The following SRPK2 variants were observed in gnomAD, a reference collection of about 807,000 sequenced individuals.
SRPK2 encodes SRSF protein kinase 2.
Under a neutral mutation model 90.8 loss-of-function variants are expected in SRPK2, and 21 were observed. The observed-to-expected ratio is 0.23, with a 90% CI of 0.16 to 0.33. The LOEUF is 0.33. SRPK2 is among the 10% of genes least tolerant of loss of function. The pLI is 1.00. For missense variants in SRPK2, 620 were observed against 869.0 expected (o/e 0.71, Z 3.60); for synonymous variants, 288 against 311.1 (o/e 0.93, Z 0.78).
chr7:105,296,411 A>C (rs1209540676), intron 2 of SRPK2, among the ~76,000 whole-genome samples: 3 of 152,180 alleles, frequency 2.0e-5, no homozygotes, highest in African/African-American at 7.2e-5. Context: ...CAAATGAAAT[A>C]GTTTTGAGCC....
chr7:105,228,220 T>A (rs1007901160), intron 2 of SRPK2, among the ~76,000 whole-genome samples: 9 of 152,096 alleles, frequency 5.9e-5, no homozygotes, highest in Admixed American at 2.6e-4. Flanking sequence ...AAAAAAGTTA[T>A]ACAAAGACTG....
Position 105,364,405 on chromosome 7 carries a change from G to GAGTTTTTTTTTTT in SRPK2, c.71+24242_71+24243insAAAAAAAAAAACT, listed in dbSNP as rs572930883. ...CTTTCCATAGCATACCGTGTGTAAC[G>GAGTTTTTTTTTTT]TTTTTTTTTTTTTGAGAAGGAGTCT... On this transcript the variant is annotated intron_variant, in intron 2 of 15. Coordinates refer to ENST00000393651, the MANE Select transcript of SRPK2 (RefSeq NM_182692.3). Among the ~76,000 whole-genome samples the GAGTTTTTTTTTTT allele has an allele frequency of 6.7e-5, 9 of 133,924 alleles. No homozygotes were observed. In the East Asian group the frequency reaches 8.4e-4, roughly 13 times the overall value. 87.9% of individuals were successfully genotyped at this position (133,924 alleles called of 152,430 possible). A position where few individuals can be genotyped will look rare whatever the true frequency, so the allele number is the denominator to read the frequency against.
chr7:105,321,704 A>T lies in SRPK2; in HGVS notation c.71+66944T>A, dbSNP rs182368074. Among the ~76,000 whole-genome samples the T allele has an allele frequency of 3.0e-3, 453 of 152,346 alleles. 5 individuals are homozygous for T. Among genetic ancestry groups the T allele is most frequent in the Non-Finnish European group, 2.9e-3 (200 of 68,036 alleles). Reference sequence around the variant, plus strand: ...ACAAGAATATGAAAAGATGCTCAACATCATTCATAAGGAGAATGCAAATAA... The same window carrying T: ...ACAAGAATATGAAAAGATGCTCAACTTCATTCATAAGGAGAATGCAAATAA... On this transcript the variant is annotated intron_variant, in intron 2 of 15. Coordinates refer to ENST00000393651, the MANE Select transcript of SRPK2 (RefSeq NM_182692.3).
intron 2 of SRPK2, among the ~76,000 whole-genome samples, chr7:105,347,054 T>C (rs1012557178): frequency 1.3e-4 from 20 of 150,940 alleles, no homozygotes; most frequent in African/African-American, 4.6e-4. Flanking sequence ...GGCTATGAGA[T>C]AGACTGGCTT....
At chr7:105,283,366 A>G (rs1807597710) in intron 2 of SRPK2, among the ~76,000 whole-genome samples, 1 of 152,230 alleles carries the variant, frequency 6.6e-6, no homozygotes, top group Non-Finnish European at 1.5e-5. Context: ...AGCATTACTC[A>G]TAATAATCAA....
At chr7:105,224,980 C>T (rs559082390) in intron 2 of SRPK2, among the ~76,000 whole-genome samples, 2 of 152,262 alleles carry the variant, frequency 1.3e-5, no homozygotes, top group South Asian at 4.1e-4. Flanking sequence ...CCTTACTGAG[C>T]TTTCATTAAT....
At chr7:105,223,124 G>A (rs1417664911) in intron 2 of SRPK2, among the ~76,000 whole-genome samples, 1 of 152,184 alleles carries the variant, frequency 6.6e-6, no homozygotes, top group Admixed American at 6.5e-5. Flanking sequence ...GTCGAGGAAC[G>A]GCATGTTGGG....
chr7:105,248,436 TAA>T (rs56040288), intron 2 of SRPK2, among the ~76,000 whole-genome samples: 4,191 of 127,830 alleles, frequency 0.033, 166 homozygotes, highest in African/African-American at 0.096. Context: ...ACAAAAAATT[TAA>T]AAAAAAAAAA....
intron 2 of SRPK2, among the ~76,000 whole-genome samples, chr7:105,288,259 CTAAAA>C (rs1295026502): frequency 2.6e-5 from 4 of 152,056 alleles, no homozygotes; most frequent in Non-Finnish European, 4.4e-5. Context: ...AACAAAATTG[CTAAAA>C]TAAATCACTG....
intron 6 of SRPK2, among the ~76,000 whole-genome samples, chr7:105,163,721 G>C: frequency 6.6e-6 from 1 of 152,294 alleles, no homozygotes; most frequent in Non-Finnish European, 1.5e-5. Flanking sequence ...TGAGGCAGGA[G>C]AATCTCTTGA....
intron 2 of SRPK2, among the ~76,000 whole-genome samples, chr7:105,233,234 G>A (rs1048914834): frequency 1.3e-5 from 2 of 152,106 alleles, no homozygotes; most frequent in East Asian, 3.9e-4. Flanking sequence ...CTATAGTCAC[G>A]CCACCCTGAA....
At chr7:105,295,371 T>G (rs1359161600) in intron 2 of SRPK2, among the ~76,000 whole-genome samples, 1 of 152,074 alleles carries the variant, frequency 6.6e-6, no homozygotes, top group East Asian at 1.9e-4. Flanking sequence ...AATTAATATT[T>G]CATACTAATT....
At chr7:105,204,392 GGT>G (rs145721545) in intron 2 of SRPK2, among the ~76,000 whole-genome samples, 2 of 151,554 alleles carry the variant, frequency 1.3e-5, no homozygotes, top group Non-Finnish European at 1.5e-5. Flanking sequence ...TTCTGGAAGC[GGT>G]GTGTGTGTGT....
At chr7:105,140,630 A>C (rs1803601689) in intron 11 of SRPK2, among the ~76,000 whole-genome samples, 1 of 151,886 alleles carries the variant, frequency 6.6e-6, no homozygotes, top group African/African-American at 2.4e-5. Flanking sequence ...AATGAATAAA[A>C]TAGAAATAAT....
intron 2 of SRPK2, among the ~76,000 whole-genome samples, chr7:105,331,337 A>AAAAAAAAAAAAG (rs1554512429): frequency 7.1e-6 from 1 of 141,830 alleles, no homozygotes; most frequent in Admixed American, 7.0e-5. Context: ...AAAAAAAAAA[A>AAAAAAAAAAAAG]CAAATAGTTA....
At chr7:105,181,762 T>C (rs892786477) in intron 3 of SRPK2, among the ~76,000 whole-genome samples, 2 of 151,744 alleles carry the variant, frequency 1.3e-5, no homozygotes, top group African/African-American at 2.4e-5. Flanking sequence ...AAAACATCTA[T>C]AGGGCACTAT....
At chr7:105,330,216 C>A (rs1335437756) in intron 2 of SRPK2, among the ~76,000 whole-genome samples, 4 of 151,374 alleles carry the variant, frequency 2.6e-5, no homozygotes, top group African/African-American at 9.7e-5. Context: ...GGCGGGTGCC[C>A]GTAGTCCCAG....
intron 2 of SRPK2, among the ~76,000 whole-genome samples, chr7:105,371,586 CAA>C (rs66731193): frequency 1.4e-4 from 15 of 106,716 alleles, no homozygotes; most frequent in African/African-American, 3.9e-4. Flanking sequence ...CCCATCTCTA[CAA>C]AAAAAAAAAA....
At position 105,220,236 on chromosome 7, in the gene SRPK2, C is replaced by T. The variant is rs117129565; in HGVS notation, c.72-16451G>A. ...TTTTCCTAATTCTTAGATCCACTTA[C>T]GATTTTAACAGTCTAGCTTGTGCCG... On this transcript the variant is annotated intron_variant, in intron 2 of 15. Coordinates refer to ENST00000393651, the MANE Select transcript of SRPK2 (RefSeq NM_182692.3). Among the ~76,000 whole-genome samples, 429 of 152,246 alleles carry T rather than the reference C, an allele frequency of 2.8e-3. 11 individuals carry two copies. In the East Asian group the frequency reaches 0.055, roughly 19 times the overall value.
Sources: gnomAD v4.1 joint callset for allele counts (sites outside exome capture counted in the v4.1 genomes callset) on GRCh38, gnomAD v4.1.1 for gene constraint, MANE v1.5 for transcripts, NCBI Gene and HGNC (gene_info 2026-07-23, HGNC 2026-07-21) for gene names.